The following SCPEP1 variants were observed in gnomAD, a reference collection of about 807,000 sequenced individuals.
SCPEP1 encodes the protein serine carboxypeptidase 1, also known as retinoid-inducible serine carboxypeptidase.
A neutral mutation model predicts 63.8 loss-of-function variants in SCPEP1; 51 were observed. That is an observed-to-expected ratio of 0.80 (90% CI 0.64 to 1.01). The LOEUF is 1.01. Among genes scored for constraint, SCPEP1 ranks in the 50% least tolerant of loss-of-function variants. The pLI is 0.00. For synonymous variants in SCPEP1, 204 were observed against 207.8 expected, an observed-to-expected ratio of 0.98 and a Z score of 0.16; for missense variants, 499 against 554.9, an observed-to-expected ratio of 0.90 and a Z score of 1.01.
At chr17:56,986,412 G>T (rs1911220162) in intron 3 of SCPEP1, among the ~76,000 whole-genome samples, 1 of 152,116 alleles carries the variant, frequency 6.6e-6, no homozygotes, top group Non-Finnish European at 1.5e-5. Context: ...GAGAGACGGG[G>T]TTTTACCATG....
chr17:56,987,511 T>G, intron 3 of SCPEP1, 184 bp from the exon 4 acceptor site: 8 of 493,562 alleles, frequency 1.6e-5, no homozygotes, highest in Non-Finnish European at 1.3e-5. Flanking sequence ...CCTTTCTTTG[T>G]TTTTGTTTTT....
intron 3 of SCPEP1, among the ~76,000 whole-genome samples, chr17:56,986,514 G>A (rs1597915751): frequency 6.6e-6 from 1 of 151,260 alleles, no homozygotes; most frequent in African/African-American, 2.4e-5. Flanking sequence ...CACTGTGCCC[G>A]GCCACTTTCT....
chr17:56,988,580 T>A (rs12451362), intron 5 of SCPEP1, among the ~76,000 whole-genome samples: 16,776 of 152,000 alleles, frequency 0.11, 979 homozygotes, highest in East Asian at 0.21. Context: ...CACACACATA[T>A]ATATGTATGT....
rs1411023509 is a variant in SCPEP1 at position 56,985,433 on chromosome 17, T to G, written c.281T>G (p.Leu94Arg). The G allele has an allele frequency of 6.2e-7, 1 of 1,614,046 alleles. No homozygotes were observed. Among genetic ancestry groups the G allele is most frequent in the Non-Finnish European group, 8.5e-7 (1 of 1,180,008 alleles). ...GGAAACTTTGAGGAAATTGGGCCCCTTGACAGTGATCTCAAACCACGGAAA... is the reference window on the plus strand; with the variant it reads ...GGAAACTTTGAGGAAATTGGGCCCCGTGACAGTGATCTCAAACCACGGAAA... ...GFGNFEEIGP[L>R]DSDLKPRKTT... Residue 94 changes from leucine (L) to arginine (R), a missense_variant, in exon 3 of 13, where the codon CTT (leucine) becomes CGT (arginine). Physicochemically the swap from Leu to Arg is moderately radical, Grantham distance 102. Transcript: ENST00000262288.
intron 12 of SCPEP1, among the ~76,000 whole-genome samples, chr17:57,005,796 G>C (rs116881691): frequency 6.6e-6 from 1 of 152,068 alleles, no homozygotes; most frequent in Admixed American, 6.6e-5. Flanking sequence ...TTCTCAATCC[G>C]GGATCCCTTC....
chr17:56,992,208 A>T (rs535186052), intron 6 of SCPEP1, among the ~76,000 whole-genome samples: 1 of 152,324 alleles, frequency 6.6e-6, no homozygotes, highest in South Asian at 2.1e-4. Context: ...CCCCTAAAAG[A>T]TAGGGATTTG....
intron 12 of SCPEP1, among the ~76,000 whole-genome samples, chr17:57,004,914 C>T (rs1262778379): frequency 2.0e-5 from 3 of 152,196 alleles, no homozygotes; most frequent in African/African-American, 7.2e-5. Flanking sequence ...GTAAGAAATA[C>T]AACATACCAT....
intron 1 of SCPEP1, among the ~76,000 whole-genome samples, chr17:56,979,682 G>A (rs554593938): frequency 1.3e-5 from 2 of 152,128 alleles, no homozygotes; most frequent in South Asian, 2.1e-4. Context: ...GATATATATC[G>A]TTCAGTTTAA....
chr17:56,991,569 G>C lies in SCPEP1; in HGVS notation c.619+398G>C, dbSNP rs547416082. ...TTCCCTGATGCTGACATAAGTGTTT[G>C]GGGTAAAATTCCCGTCTGTTACGCA... On this transcript the variant is annotated intron_variant, in intron 6 of 12. Coordinates refer to ENST00000262288, the MANE Select transcript of SCPEP1 (RefSeq NM_021626.3). Among the ~76,000 whole-genome samples the C allele has an allele frequency of 3.6e-4, 55 of 152,282 alleles. 1 individual carries two copies. Among genetic ancestry groups the C allele is most frequent in the African/African-American group, 1.3e-3 (55 of 41,544 alleles).
intron 4 of SCPEP1, 57 bp from the exon 5 acceptor site, chr17:56,988,159 G>A: frequency 7.4e-7 from 1 of 1,342,688 alleles, no homozygotes; most frequent in Non-Finnish European, 1.0e-6. Context: ...AAATTAATTT[G>A]TGTGACTCAA....
chr17:56,991,727 T>C (rs1911405640), intron 6 of SCPEP1, among the ~76,000 whole-genome samples: 1 of 152,230 alleles, frequency 6.6e-6, no homozygotes, highest in Non-Finnish European at 1.5e-5. Flanking sequence ...GCCCCAGACA[T>C]CTGAAACAAT....
intron 11 of SCPEP1, among the ~76,000 whole-genome samples, chr17:57,001,755 G>A (rs971812796): frequency 6.6e-6 from 1 of 152,216 alleles, no homozygotes; most frequent in Non-Finnish European, 1.5e-5. Context: ...AAGAGCAGAT[G>A]GCGGTGAGAG....
At chr17:56,985,190 A>G (rs1911179607) in intron 2 of SCPEP1, 188 bp from the exon 3 acceptor site, 2 of 611,284 alleles carry the variant, frequency 3.3e-6, no homozygotes, top group South Asian at 2.0e-5. Flanking sequence ...CTTTCAGAGA[A>G]AAACCTCAGC....
intron 12 of SCPEP1, among the ~76,000 whole-genome samples, chr17:57,004,754 T>G (rs1035994882): frequency 1.3e-5 from 2 of 152,194 alleles, no homozygotes; most frequent in African/African-American, 4.8e-5. Flanking sequence ...TGCACTGAGT[T>G]ATTAGAGAGC....
At chr17:56,987,495 G>A (rs1273895912) in intron 3 of SCPEP1, 200 bp from the exon 4 acceptor site, 13 of 411,180 alleles carry the variant, frequency 3.2e-5, no homozygotes, top group Non-Finnish European at 4.6e-5. Flanking sequence ...CGGCGGGGGC[G>A]GTTGGCCTTT....
intron 1 of SCPEP1, among the ~76,000 whole-genome samples, chr17:56,980,467 T>C (rs1426197287): frequency 2.0e-5 from 3 of 152,140 alleles, no homozygotes; most frequent in African/African-American, 7.2e-5. Flanking sequence ...CATTCTGAGA[T>C]TTTTACTTTT....
intron 1 of SCPEP1, among the ~76,000 whole-genome samples, chr17:56,978,556 T>A (rs555450428): frequency 2.6e-5 from 4 of 152,284 alleles, no homozygotes; most frequent in Admixed American, 2.6e-4. Context: ...CATGATTGGC[T>A]GCTAAATGAG....
intron 8 of SCPEP1, chr17:56,995,837 C>A: frequency 5.9e-6 from 2 of 339,394 alleles, no homozygotes; most frequent in Admixed American, 5.0e-5. Context: ...CCCAGGCCTG[C>A]AAGACTTGCT....
intron 1 of SCPEP1, among the ~76,000 whole-genome samples, 189 bp from the exon 2 acceptor site, chr17:56,980,893 C>T (rs536812719): frequency 5.3e-5 from 8 of 152,038 alleles, no homozygotes; most frequent in Non-Finnish European, 7.4e-5. Flanking sequence ...CCTCCTATGC[C>T]GCTGTTAAGT....
Sources: allele counts gnomAD v4.1 joint callset (sites outside exome capture counted in the v4.1 genomes callset), GRCh38; gene constraint gnomAD v4.1.1; transcripts MANE v1.5; gene names NCBI Gene and HGNC (gene_info 2026-07-23, HGNC 2026-07-21).